ZMYND11: variants seen among roughly 807,000 people sequenced by gnomAD.
ZMYND11 encodes the protein zinc finger MYND domain-containing protein 11.
In ZMYND11, 9 loss-of-function variants were observed where a neutral mutation model predicts 84.9. The ratio of observed to expected loss-of-function variants is 0.11; its 90% CI spans 0.06 to 0.18. The LOEUF (loss-of-function observed/expected upper bound fraction) is 0.18. Ranked by LOEUF, ZMYND11 falls within the 10% of genes least tolerant of loss-of-function variation. ZMYND11 has a pLI of 1.00. For synonymous variants in ZMYND11, 250 were observed against 244.1 expected, an observed-to-expected ratio of 1.02 and a Z score of -0.23; for missense variants, 409 against 761.0, an observed-to-expected ratio of 0.54 and a Z score of 5.44.
rs577412673 is a variant in ZMYND11, at chr10:160,564, T to C, written c.-19-19430T>C. The stretch of plus-strand genomic sequence containing the variant: ...TCATTTGTCATGCTGTTTGGTAGCA[T>C]TTTACCCATAGTGGAACCTCTTTTC... On this transcript the variant is annotated intron_variant, in intron 1 of 14. Coordinates refer to ENST00000381604, the MANE Select transcript of ZMYND11 (RefSeq NM_001370100.5). Among the ~76,000 whole-genome samples, 3 of 152,306 alleles carry C rather than the reference T, an allele frequency of 2.0e-5. No individual in the cohort carries two copies. In the South Asian group the frequency reaches 6.2e-4, roughly 32 times the overall value.
At position 173,717 on chromosome 10, in the gene ZMYND11, AC is replaced by A. The variant is rs1554766272; in HGVS notation, c.-19-6276del. 3.3e-5 allele frequency among the ~76,000 whole-genome samples: 5 copies of A among 152,204 alleles called. No homozygotes were observed. In the East Asian group the frequency reaches 7.7e-4, roughly 23 times the overall value. On this transcript the variant is annotated intron_variant, in intron 1 of 14. Transcript: ENST00000381604. ...CAGAGTGAGACCCTGTTTCAAAAAT[AC>A]TAAAAAAAAAATTTTTTTAAGGGCA...
intron 1 of ZMYND11, among the ~76,000 whole-genome samples, chr10:170,954 T>C (rs1473563020): frequency 6.6e-5 from 10 of 152,128 alleles, no homozygotes; most frequent in African/African-American, 2.4e-4. Context: ...AAACCCACTT[T>C]AAATATACAG....
At chr10:212,404 A>G (rs892067268) in intron 3 of ZMYND11, among the ~76,000 whole-genome samples, 3 of 151,950 alleles carry the variant, frequency 2.0e-5, no homozygotes, top group Non-Finnish European at 4.4e-5. Flanking sequence ...TTTATTCTAA[A>G]ATGGCTGTAT....
chr10:145,811 C>T (rs1838689292), intron 1 of ZMYND11, among the ~76,000 whole-genome samples: 1 of 151,992 alleles, frequency 6.6e-6, no homozygotes, highest in Admixed American at 6.5e-5. Context: ...GCATAGTTTC[C>T]AAATATTTTC....
upstream of ZMYND11, chr10:135,167 C>T (rs1247382133): frequency 6.6e-6 from 1 of 150,394 alleles, no homozygotes; most frequent in Non-Finnish European, 1.5e-5. This position sits in a 1 kb window ranked among gnomAD's most constrained non-coding sequence, Gnocchi z 5.6. Context: ...CCGCCCGCTC[C>T]GGCCCCGCAG....
chr10:236,670 GT>G (rs951532362), intron 4 of ZMYND11, among the ~76,000 whole-genome samples, 167 bp from the exon 5 acceptor site: 60 of 151,990 alleles, frequency 3.9e-4, no homozygotes, highest in African/African-American at 1.2e-3. Flanking sequence ...ATTAGATGCT[GT>G]TTTTTTTATG....
chr10:185,826 A>AG (rs1420727532), intron 2 of ZMYND11, among the ~76,000 whole-genome samples: 2 of 150,904 alleles, frequency 1.3e-5, no homozygotes, highest in Admixed American at 6.6e-5. Context: ...AAAAACAAAA[A>AG]AACAAAAAAA....
chr10:152,574 G>T (rs1840649489), intron 1 of ZMYND11, among the ~76,000 whole-genome samples: 1 of 152,108 alleles, frequency 6.6e-6, no homozygotes, highest in Admixed American at 6.5e-5. Context: ...AGTCCTTAGA[G>T]ACCTACAAAA....
intron 3 of ZMYND11, among the ~76,000 whole-genome samples, chr10:211,675 A>G (rs1292796309): frequency 6.6e-6 from 1 of 152,240 alleles, no homozygotes; most frequent in Non-Finnish European, 1.5e-5. Flanking sequence ...ATTTTCCAGC[A>G]ACAGAAAACA....
intron 1 of ZMYND11, among the ~76,000 whole-genome samples, chr10:155,385 A>T (rs1254627506): frequency 1.3e-5 from 2 of 152,174 alleles, no homozygotes; most frequent in African/African-American, 4.8e-5. Flanking sequence ...ATGGTGGCCC[A>T]CACCTGTAAT....
At chr10:208,297 G>A (rs1944548247) in intron 2 of ZMYND11, among the ~76,000 whole-genome samples, 1 of 152,178 alleles carries the variant, frequency 6.6e-6, no homozygotes, top group Non-Finnish European at 1.5e-5. Flanking sequence ...ATTGACAAAT[G>A]GGATCTAATT....
chr10:251,021 T>C lies in ZMYND11; in HGVS notation c.1687-1327T>C, dbSNP rs182343552. 4.1e-4 allele frequency among the ~76,000 whole-genome samples: 62 copies of C among 152,340 alleles called. No individual in the cohort carries two copies. The East Asian group carries it at 0.01, about 25-fold the overall frequency. The stretch of plus-strand genomic sequence containing the variant: ...CTGGGCGACAGAGCGAGACTCACTC[T>C]CAAAGAATCAAGAATTCTTTCTTCC... On this transcript the variant is annotated intron_variant, in intron 14 of 14. Transcript: ENST00000381604.
At chr10:196,945 A>C (rs919622062) in intron 2 of ZMYND11, among the ~76,000 whole-genome samples, 11 of 151,948 alleles carry the variant, frequency 7.2e-5, no homozygotes, top group South Asian at 2.1e-4. Flanking sequence ...TGGAAGGTGG[A>C]GTGCTTTTAG....
chr10:202,432 A>T (rs1466023113), intron 2 of ZMYND11, among the ~76,000 whole-genome samples: 1 of 152,188 alleles, frequency 6.6e-6, no homozygotes, highest in Non-Finnish European at 1.5e-5. Flanking sequence ...TTCTTGACAC[A>T]ACCATTATAA....
At chr10:234,510 TTAAAGGA>T (rs1949582276) in intron 4 of ZMYND11, among the ~76,000 whole-genome samples, 1 of 152,250 alleles carries the variant, frequency 6.6e-6, no homozygotes, top group African/African-American at 2.4e-5. Flanking sequence ...ATGTTTCCTA[TTAAAGGA>T]ACTATAACCC....
chr10:143,323 CT>C (rs2131174903), intron 1 of ZMYND11, among the ~76,000 whole-genome samples: 1 of 152,224 alleles, frequency 6.6e-6, no homozygotes, highest in Non-Finnish European at 1.5e-5. Flanking sequence ...GCTCTCGCAA[CT>C]TTTGAAAGCT....
At chr10:152,750 AG>A (rs1554757464) in intron 1 of ZMYND11, among the ~76,000 whole-genome samples, 2 of 152,248 alleles carry the variant, frequency 1.3e-5, no homozygotes, top group Non-Finnish European at 2.9e-5. Context: ...CCAAATCAAC[AG>A]AATATGCATT....
At chr10:180,964 A>G (rs1212220993) in intron 2 of ZMYND11, among the ~76,000 whole-genome samples, 1 of 152,120 alleles carries the variant, frequency 6.6e-6, no homozygotes, top group Non-Finnish European at 1.5e-5. Flanking sequence ...TTATATGGGT[A>G]GACAGATTCA....
At position 144,088 on chromosome 10, in the gene ZMYND11, T is replaced by C. The variant is rs142278946; in HGVS notation, c.-20+8529T>C. ...AGGACTATTCAAATAAAAATAATTT[T>C]AGTCTTAGTTATTTTCAAATGAATT... On this transcript the variant is annotated intron_variant, in intron 1 of 14. Coordinates refer to ENST00000381604, the MANE Select transcript of ZMYND11 (RefSeq NM_001370100.5). 9.0e-4 allele frequency among the ~76,000 whole-genome samples: 137 copies of C among 152,340 alleles called. 1 individual carries two copies. The highest frequency in any genetic ancestry group is 3.2e-3 in the African/African-American group (134 of 41,572).
Sources: allele counts gnomAD v4.1 joint callset (sites outside exome capture counted in the v4.1 genomes callset), GRCh38; gene constraint gnomAD v4.1.1; non-coding constraint Gnocchi (gnomAD v3.1); transcripts MANE v1.5; gene names NCBI Gene and HGNC (gene_info 2026-07-23, HGNC 2026-07-21).